PDS5B: variants seen among roughly 807,000 people sequenced by gnomAD.
PDS5B encodes the protein PDS5 cohesin associated factor B, also known as sister chromatid cohesion protein PDS5 homolog B.
A neutral mutation model predicts 184.1 loss-of-function variants in PDS5B; 51 were observed. The observed-to-expected ratio is 0.28, with a 90% CI of 0.22 to 0.35. The LOEUF (loss-of-function observed/expected upper bound fraction) is 0.35. Among genes scored for constraint, PDS5B ranks in the 10% least tolerant of loss-of-function variants. PDS5B has a pLI of 1.00. For synonymous variants in PDS5B, 566 were observed against 569.2 expected (o/e 0.99, Z 0.08); for missense variants, 1,180 against 1,723.3 (o/e 0.68, Z 5.58).
At chr13:32,596,177 G>A (rs189427802) in intron 1 of PDS5B, among the ~76,000 whole-genome samples, 55 of 152,278 alleles carry the variant, frequency 3.6e-4, no homozygotes, top group African/African-American at 1.2e-3. Flanking sequence ...AAGATGTAGA[G>A]CATTTTTATT....
chr13:32,628,635 G>A (rs997647725), intron 1 of PDS5B, among the ~76,000 whole-genome samples: 5 of 151,164 alleles, frequency 3.3e-5, no homozygotes, highest in Non-Finnish European at 7.4e-5. Context: ...TTGCCCAATA[G>A]GTACTTTTTT....
chr13:32,661,524 T>G (rs1950648438), intron 6 of PDS5B, among the ~76,000 whole-genome samples: 1 of 151,350 alleles, frequency 6.6e-6, no homozygotes, highest in Admixed American at 6.6e-5. Flanking sequence ...CACAGTGAGA[T>G]GAAACATGAA....
At position 32,682,136 on chromosome 13, in the gene PDS5B, A is replaced by G. The variant is rs76988520; in HGVS notation, c.1058-1742A>G. ...CTGAACAGCTAACTCAGATTTATCC[A>G]TATTTTAGAGAAAATATCAGAGTCT... On this transcript the variant is annotated intron_variant, in intron 10 of 34. Transcript: ENST00000315596. Among the ~76,000 whole-genome samples, 377 of 152,326 alleles carry G rather than the reference A, an allele frequency of 2.5e-3. 2 individuals are homozygous for G. The highest frequency in any genetic ancestry group is 8.6e-3 in the African/African-American group (357 of 41,578).
At chr13:32,765,808 G>A (rs565098985) in intron 31 of PDS5B, among the ~76,000 whole-genome samples, 5 of 152,288 alleles carry the variant, frequency 3.3e-5, no homozygotes, top group African/African-American at 9.6e-5. Flanking sequence ...CACCATGTTG[G>A]CCAGGCTGGT....
At chr13:32,594,589 T>A (rs967878147) in intron 1 of PDS5B, among the ~76,000 whole-genome samples, 3 of 152,132 alleles carry the variant, frequency 2.0e-5, no homozygotes, top group Admixed American at 6.5e-5. Flanking sequence ...ATGAAAAAAT[T>A]CTTGAAGGAG....
At chr13:32,701,577 T>C in intron 17 of PDS5B, 139 bp downstream of exon 17, 1 of 530,632 alleles carries the variant, frequency 1.9e-6, no homozygotes, top group Non-Finnish European at 3.4e-6. Context: ...CTCCTCTGCA[T>C]ATACCTGTAT....
chr13:32,767,272 T>C (rs907563787), intron 31 of PDS5B, among the ~76,000 whole-genome samples: 1 of 152,166 alleles, frequency 6.6e-6, no homozygotes. Flanking sequence ...TGCTAAAAGT[T>C]TTGTCTATTT....
At chr13:32,671,705 C>A (rs548145535) in intron 7 of PDS5B, among the ~76,000 whole-genome samples, 2 of 152,184 alleles carry the variant, frequency 1.3e-5, no homozygotes, top group East Asian at 3.9e-4. Flanking sequence ...AAAAACAACC[C>A]AAGAAGTAAA....
At chr13:32,598,735 G>A (rs984286075) in intron 1 of PDS5B, among the ~76,000 whole-genome samples, 1 of 149,314 alleles carries the variant, frequency 6.7e-6, no homozygotes, top group African/African-American at 2.4e-5. Flanking sequence ...ATTTTTGCTG[G>A]ATATAGAATT....
At chr13:32,605,309 G>A (rs2058042435) in intron 1 of PDS5B, among the ~76,000 whole-genome samples, 1 of 152,162 alleles carries the variant, frequency 6.6e-6, no homozygotes, top group South Asian at 2.1e-4. Context: ...CTTTATTTCT[G>A]CCTTCATTTC....
At chr13:32,699,924 TTCTC>T (rs1951819567) in intron 16 of PDS5B, 55 bp downstream of exon 16, 1 of 1,462,274 alleles carries the variant, frequency 6.8e-7, no homozygotes, top group African/African-American at 1.5e-5. Flanking sequence ...TCTTTATTGT[TTCTC>T]TCTTTTATAA....
At chr13:32,700,294 T>C (rs1951831103) in intron 16 of PDS5B, among the ~76,000 whole-genome samples, 1 of 152,140 alleles carries the variant, frequency 6.6e-6, no homozygotes, top group South Asian at 2.1e-4. Flanking sequence ...TTGCATGGGC[T>C]AACAGCTCAT....
chr13:32,649,527 C>T (rs1950315309), intron 2 of PDS5B: 1 of 152,108 alleles, frequency 6.6e-6, no homozygotes, highest in African/African-American at 2.4e-5. Context: ...TTGAGCATTT[C>T]CGATCGAGGT....
intron 6 of PDS5B, among the ~76,000 whole-genome samples, chr13:32,659,835 G>T (rs1329560082): frequency 1.3e-5 from 2 of 152,154 alleles, no homozygotes; most frequent in Non-Finnish European, 2.9e-5. Context: ...GGGTTAAGGA[G>T]AGGAGGACAG....
At chr13:32,664,203 A>G (rs551894534) in intron 6 of PDS5B, among the ~76,000 whole-genome samples, 1 of 152,204 alleles carries the variant, frequency 6.6e-6, no homozygotes, top group Non-Finnish European at 1.5e-5. Context: ...TAGTGGAATA[A>G]GACAAGACAT....
At chr13:32,676,680 C>G (rs1043748650) in intron 9 of PDS5B, among the ~76,000 whole-genome samples, 1 of 152,096 alleles carries the variant, frequency 6.6e-6, no homozygotes, top group Admixed American at 6.5e-5. Flanking sequence ...GCCTGTAATC[C>G]TAGCACTTTG....
chr13:32,775,290 TAAA>T lies in PDS5B; in HGVS notation c.*239_*241del, dbSNP rs1234319353. 3 of 516,912 alleles carry T rather than the reference TAAA, an allele frequency of 5.8e-6. No homozygotes were observed. The highest frequency in any genetic ancestry group is 6.8e-6 in the Non-Finnish European group (2 of 293,384). The allele number at this position is 516,912 out of a possible 1,614,324, so 32.0% of individuals were successfully genotyped here. On this transcript the variant is annotated 3_prime_UTR_variant, in exon 35 of 35. Transcript: ENST00000315596. ...GTAATGTGCGATGGCTATGTAGACA[TAAA>T]GAAGAAACTTGTAAATATCTTTTTT...
intron 19 of PDS5B, among the ~76,000 whole-genome samples, chr13:32,712,836 G>A (rs937986773): frequency 2.0e-5 from 3 of 152,228 alleles, no homozygotes; most frequent in African/African-American, 7.2e-5. Context: ...GCAAAGTTTA[G>A]TGATGAGGTA....
chr13:32,680,049 T>C (rs1025299599), intron 10 of PDS5B, among the ~76,000 whole-genome samples: 2 of 152,320 alleles, frequency 1.3e-5, no homozygotes, highest in South Asian at 4.1e-4. Context: ...TGGGGAATTT[T>C]TCTTTTTCTT....
Sources: gnomAD v4.1 joint callset for allele counts (sites outside exome capture counted in the v4.1 genomes callset) on GRCh38, gnomAD v4.1.1 for gene constraint, MANE v1.5 for transcripts, NCBI Gene and HGNC (gene_info 2026-07-23, HGNC 2026-07-21) for gene names.